SLC35A5: variants seen among roughly 807,000 people sequenced by gnomAD.
SLC35A5 encodes UDP-sugar transporter protein SLC35A5.
Under a neutral mutation model 36.3 loss-of-function variants are expected in SLC35A5, and 28 were observed. The observed-to-expected ratio is 0.77, with a 90% CI of 0.57 to 1.06. The LOEUF is 1.06. Among genes scored for constraint, SLC35A5 ranks in the 50% least tolerant of loss-of-function variants. The pLI is 0.00. For synonymous variants in SLC35A5, 180 were observed against 173.7 expected, an observed-to-expected ratio of 1.04 and a Z score of -0.29; for missense variants, 521 against 499.3, an observed-to-expected ratio of 1.04 and a Z score of -0.41.
At chr3:112,570,800 C>T (rs1169534834) in intron 4 of SLC35A5, 130 bp downstream of exon 4, 8 of 856,890 alleles carry the variant, frequency 9.3e-6, no homozygotes, top group Non-Finnish European at 1.3e-5. Flanking sequence ...CCTGAGATTT[C>T]CCCAGAATTA....
chr3:112,563,442 C>T lies in SLC35A5; in HGVS notation c.39C>T (p.Ser13=), dbSNP rs377335674. The change falls in exon 2 of 7, where the codon TCC becomes TCT. Residue 13 remains serine (S), a synonymous_variant. Transcript: ENST00000492406. ...KQCCSHPVIC[S]LSTMYTFLLG... ...GCTGTAGTCATCCTGTAATATGCTCCTTGTCAACAATGTATACATTCCTGC... is the reference window on the plus strand; with the variant it reads ...GCTGTAGTCATCCTGTAATATGCTCTTTGTCAACAATGTATACATTCCTGC... 13 of 1,592,472 alleles carry T rather than the reference C, an allele frequency of 8.2e-6. No homozygotes were observed. In the African/African-American group the frequency reaches 1.7e-4, roughly 21 times the overall value.
rs138706153 is a variant in SLC35A5, at chr3:112,582,533, A to G, written c.1210-138A>G. On this transcript the variant is annotated intron_variant, in intron 6 of 6. Transcript: ENST00000492406. ...CTTCTATAGTTAACTTTCCAAGAAC[A>G]TAAGTATTTATTTAATTTGACCAGA... 33 of 583,122 alleles carry G rather than the reference A, an allele frequency of 5.7e-5. No homozygotes were observed. In the East Asian group the frequency reaches 8.7e-4, roughly 15 times the overall value. The allele number at this position is 583,122 out of a possible 1,614,324, so 36.1% of individuals were successfully genotyped here.
intron 6 of SLC35A5, among the ~76,000 whole-genome samples, chr3:112,582,215 A>G (rs935481425): frequency 6.6e-6 from 1 of 152,156 alleles, no homozygotes; most frequent in Non-Finnish European, 1.5e-5. Context: ...TGCCTCTGTC[A>G]TGATTCAACA....
chr3:112,564,450 C>T (rs1934097156), intron 2 of SLC35A5: 1 of 152,260 alleles, frequency 6.6e-6, no homozygotes, highest in Non-Finnish European at 1.5e-5. Flanking sequence ...GCCCGCATGT[C>T]CCACCTCCAG....
intron 5 of SLC35A5, among the ~76,000 whole-genome samples, chr3:112,578,470 T>C (rs1378273200): frequency 6.6e-6 from 1 of 152,190 alleles, no homozygotes; most frequent in Non-Finnish European, 1.5e-5. Flanking sequence ...TCCATTACTA[T>C]GTTTTACCGA....
chr3:112,573,902 T>C lies in SLC35A5; in HGVS notation c.374T>C (p.Ile125Thr), dbSNP rs752052258. The C allele has an allele frequency of 6.8e-6, 11 of 1,613,024 alleles. No individual in the cohort carries two copies. Among genetic ancestry groups the C allele is most frequent in the Admixed American group, 3.3e-5 (2 of 59,996 alleles). Residue 125 changes from isoleucine to threonine, a missense_variant, in exon 5 of 7, where the codon ATC becomes ACC. By Grantham distance (89) the Ile-to-Thr change is moderately conservative. Coordinates refer to ENST00000492406, the MANE Select transcript of SLC35A5 (RefSeq NM_017945.5). The stretch of plus-strand genomic sequence containing the variant: ...CTTTCTTTCTAGGCCATGGCTGTTA[T>C]CTTCTCAAATTTTAGCATTATAACA... ...LSYLQPAMAV[I>T]FSNFSIITTA...
chr3:112,577,410 T>G (rs1278965571), intron 5 of SLC35A5, among the ~76,000 whole-genome samples: 1 of 152,194 alleles, frequency 6.6e-6, no homozygotes, highest in Admixed American at 6.5e-5. Flanking sequence ...ATTCAAACTT[T>G]ATGTGAATGT....
At chr3:112,574,250 T>C (rs1037232313) in intron 5 of SLC35A5, among the ~76,000 whole-genome samples, 1 of 152,252 alleles carries the variant, frequency 6.6e-6, no homozygotes, top group Non-Finnish European at 1.5e-5. Context: ...AAAGAATTAA[T>C]GAGCTTTTTA....
chr3:112,570,805 G>C, intron 4 of SLC35A5, 135 bp downstream of exon 4: 1 of 823,764 alleles, frequency 1.2e-6, no homozygotes, highest in Non-Finnish European at 1.8e-6. Flanking sequence ...GATTTCCCCA[G>C]AATTATCTGA....
In SLC35A5 at chr3:112,577,712, G is replaced by A. The variant is rs964907639; in HGVS notation, c.429-2834G>A. 2.6e-5 allele frequency among the ~76,000 whole-genome samples: 4 copies of A among 152,204 alleles called. No homozygotes were observed. In the South Asian group the frequency reaches 8.3e-4, roughly 32 times the overall value. ...AAATACATTTTGAAACATGGTGGAT[G>A]TCTAGGAAGTAAGGGTAAAGTTTAG... On this transcript the variant is annotated intron_variant, in intron 5 of 6. Transcript: ENST00000492406.
chr3:112,575,770 T>TC (rs1420098702), intron 5 of SLC35A5, among the ~76,000 whole-genome samples: 2 of 149,788 alleles, frequency 1.3e-5, no homozygotes, highest in African/African-American at 4.9e-5. Flanking sequence ...TTTTTTTTTT[T>TC]TTTTTTTGAG....
chr3:112,583,000 G>C lies in SLC35A5; in HGVS notation c.*264G>C. 2.2e-6 allele frequency: 1 copy of C among 446,316 alleles called. No individual in the cohort carries two copies. Among genetic ancestry groups the C allele is most frequent in the Non-Finnish European group, 3.9e-6 (1 of 254,386 alleles). 27.6% of individuals were successfully genotyped at this position (446,316 alleles called of 1,614,324 possible). ...GATAAATCAGAAAGTTATATGTGCAGATTATTTTCCTTGGCCTTCAAGCTT... is the reference window on the plus strand; with the variant it reads ...GATAAATCAGAAAGTTATATGTGCACATTATTTTCCTTGGCCTTCAAGCTT... On this transcript the variant is annotated 3_prime_UTR_variant, in exon 7 of 7. Coordinates refer to ENST00000492406, the MANE Select transcript of SLC35A5 (RefSeq NM_017945.5).
chr3:112,563,568 C>T, intron 2 of SLC35A5, 35 bp downstream of exon 2: 1 of 1,525,782 alleles, frequency 6.6e-7, no homozygotes, highest in Non-Finnish European at 8.9e-7. Context: ...TGGAGCACTT[C>T]CATCTAATCA....
intron 2 of SLC35A5, among the ~76,000 whole-genome samples, chr3:112,564,903 G>A (rs546217155): frequency 2.0e-4 from 30 of 152,320 alleles, no homozygotes; most frequent in African/African-American, 6.0e-4. Flanking sequence ...GTTTCAGGGA[G>A]CACAGGGTTG....
intron 1 of SLC35A5, 91 bp downstream of exon 1, chr3:112,562,364 G>A (rs1287468737): frequency 6.6e-6 from 1 of 152,328 alleles, no homozygotes; most frequent in East Asian, 1.9e-4. Context: ...TGACTAGAAG[G>A]GTAGTCCCTG....
At position 112,584,788 on chromosome 3, in the gene SLC35A5, T is replaced by A. The variant is rs915200397; in HGVS notation, c.*2052T>A. 1 of 152,156 alleles carries A rather than the reference T, an allele frequency of 6.6e-6. No individual in the cohort carries two copies. Among genetic ancestry groups the A allele is most frequent in the African/African-American group, 2.4e-5 (1 of 41,440 alleles). 9.4% of individuals were successfully genotyped at this position (152,156 alleles called of 1,614,324 possible). On this transcript the variant is annotated 3_prime_UTR_variant, in exon 7 of 7. Coordinates refer to ENST00000492406, the MANE Select transcript of SLC35A5 (RefSeq NM_017945.5). Reference sequence around the variant, plus strand: ...CAGTAACAAAATCATGGACTCAACCTAAGTGTCCATCAGTGGTGCCTGGAA... The same window carrying A: ...CAGTAACAAAATCATGGACTCAACCAAAGTGTCCATCAGTGGTGCCTGGAA...
At position 112,583,465 on chromosome 3, in the gene SLC35A5, G is replaced by C. The variant is rs1444142694; in HGVS notation, c.*729G>C. The C allele has an allele frequency of 4.4e-6, 1 of 224,764 alleles. No homozygotes were observed. Among genetic ancestry groups the C allele is most frequent in the African/African-American group, 2.2e-5 (1 of 44,584 alleles). 13.9% of individuals were successfully genotyped at this position (224,764 alleles called of 1,614,324 possible). A position where few individuals can be genotyped will look rare whatever the true frequency, so the allele number is the denominator to read the frequency against. On this transcript the variant is annotated 3_prime_UTR_variant, in exon 7 of 7. Transcript: ENST00000492406. ...AGTCATTTAAACAAGCCACGGTGGGGCTTTTTTCTCCTCAGTTTGAGGAGA... is the reference window on the plus strand; with the variant it reads ...AGTCATTTAAACAAGCCACGGTGGGCCTTTTTTCTCCTCAGTTTGAGGAGA...
Position 112,570,641 on chromosome 3 carries a change from G to A in SLC35A5, c.331G>A (p.Val111Ile), listed in dbSNP as rs1934396732. ...TCTTTATTTCCTGGATAACTTGATT[G>A]TCTTCTATGTCCTGTCCTATCTTCA... ...AFLYFLDNLI[V>I]FYVLSYLQPA... The change falls in exon 4 of 7, where the codon GTC becomes ATC. Residue 111 changes from valine (V) to isoleucine (I), a missense_variant. Coordinates refer to ENST00000492406, the MANE Select transcript of SLC35A5 (RefSeq NM_017945.5). 1.2e-6 allele frequency: 2 copies of A among 1,611,442 alleles called. No individual in the cohort carries two copies. Among genetic ancestry groups the A allele is most frequent in the Non-Finnish European group, 8.5e-7 (1 of 1,178,824 alleles).
chr3:112,582,821 A>C lies in SLC35A5; in HGVS notation c.*85A>C. The C allele has an allele frequency of 8.6e-7, 1 of 1,158,454 alleles. No individual in the cohort carries two copies. The highest frequency in any genetic ancestry group is 1.3e-5 in the South Asian group (1 of 75,778). 71.8% of individuals were successfully genotyped at this position (1,158,454 alleles called of 1,614,324 possible). A position where few individuals can be genotyped will look rare whatever the true frequency, so the allele number is the denominator to read the frequency against. ...AATATTTATCTTTTCACTTTGATAA[A>C]CCAGAAATGTTTCTAAATCCTAATA... On this transcript the variant is annotated 3_prime_UTR_variant, in exon 7 of 7. Coordinates refer to ENST00000492406, the MANE Select transcript of SLC35A5 (RefSeq NM_017945.5).
Sources: allele counts gnomAD v4.1 joint callset (sites outside exome capture counted in the v4.1 genomes callset), GRCh38; gene constraint gnomAD v4.1.1; transcripts MANE v1.5; gene names NCBI Gene and HGNC (gene_info 2026-07-23, HGNC 2026-07-21).